RPS6KA1: variants seen among roughly 807,000 people sequenced by gnomAD.
RPS6KA1 encodes ribosomal protein S6 kinase A1, also known as ribosomal protein S6 kinase alpha-1.
In RPS6KA1, 48 loss-of-function variants were observed where a neutral mutation model predicts 91.3. The ratio of observed to expected loss-of-function variants is 0.53; its 90% CI spans 0.42 to 0.67. RPS6KA1 has a LOEUF of 0.67. RPS6KA1 is among the 30% of genes least tolerant of loss of function. RPS6KA1 has a pLI of 0.00. For missense variants in RPS6KA1, 719 were observed against 960.5 expected, an observed-to-expected ratio of 0.75 and a Z score of 3.32; for synonymous variants, 359 against 384.7, an observed-to-expected ratio of 0.93 and a Z score of 0.78.
At chr1:26,543,160 C>T (rs1314251939) in intron 2 of RPS6KA1, 2 of 1,535,536 alleles carry the variant, frequency 1.3e-6, no homozygotes, top group Non-Finnish European at 1.7e-6. Flanking sequence ...TTGAGCCCCA[C>T]CATGCAGACC....
In RPS6KA1 at chr1:26,541,576, C is replaced by T. The variant is rs1008155532; in HGVS notation, c.108+4607C>T. 5.9e-5 allele frequency among the ~76,000 whole-genome samples: 9 copies of T among 152,140 alleles called. No individual in the cohort carries two copies. The East Asian group carries it at 9.6e-4, about 16-fold the overall frequency. The stretch of plus-strand genomic sequence containing the variant: ...TCTCAAAGAAAAAAAAGGCTGTGTG[C>T]GTGCAGCAACTGCTCAATCAGTAGG... On this transcript the variant is annotated intron_variant, in intron 2 of 21. Coordinates refer to ENST00000374168, the MANE Select transcript of RPS6KA1 (RefSeq NM_002953.4).
In RPS6KA1 at chr1:26,547,873, CTT is replaced by C. The variant is rs2076009244; in HGVS notation, c.307+605_307+606del. ...CCGGCAGAGTCATAGCCAAGTCTCT[CTT>C]TAAATAAGTCAAGGCCGGGCGCGGT... On this transcript the variant is annotated intron_variant, in intron 4 of 21. Coordinates refer to ENST00000374168, the MANE Select transcript of RPS6KA1 (RefSeq NM_002953.4). The surrounding 1 kb of genome is among the most constrained non-coding windows in gnomAD (Gnocchi z 4.1). Among the ~76,000 whole-genome samples, 1 of 152,192 alleles carries C rather than the reference CTT, an allele frequency of 6.6e-6. No individual in the cohort carries two copies. Among genetic ancestry groups the C allele is most frequent in the Admixed American group, 6.5e-5 (1 of 15,284 alleles).
intron 1 of RPS6KA1, among the ~76,000 whole-genome samples, chr1:26,534,435 T>C (rs139611517): frequency 1.3e-5 from 2 of 152,008 alleles, no homozygotes; most frequent in African/African-American, 4.8e-5. Flanking sequence ...AGGGGTGACA[T>C]TTGAATTCAG....
In RPS6KA1 at chr1:26,558,937, G is replaced by A. The variant is rs780214552; in HGVS notation, c.1215G>A (p.Gln405=). 3 of 1,608,596 alleles carry A rather than the reference G, an allele frequency of 1.9e-6. No homozygotes were observed. The highest frequency in any genetic ancestry group is 2.6e-6 in the Non-Finnish European group (3 of 1,175,584). The change falls in exon 14 of 22, where the codon CAG becomes CAA. Residue 405 remains glutamine (Q), a splice_region_variant and synonymous_variant. Transcript: ENST00000374168. The surrounding 1 kb of genome is among the most constrained non-coding windows in gnomAD (Gnocchi z 4.0). The stretch of plus-strand genomic sequence containing the variant: ...AGGCACCCCTGCACTCGGTGGTACA[G>A]GTGAGGGGGGCAGGGGGCTGCTGCT... ...APQAPLHSVV[Q]QLHGKNLVFS...
rs748764001 is a variant in RPS6KA1 at position 26,562,825 on chromosome 1, C to CTTTTTTTTTTTTTT, written c.1590+1176_1590+1189dup. On this transcript the variant is annotated intron_variant, in intron 17 of 21. Coordinates refer to ENST00000374168, the MANE Select transcript of RPS6KA1 (RefSeq NM_002953.4). Reference sequence around the variant, plus strand: ...ATAGACACATTTTTCTCCTATTGTCCTTTTTTTTTTTTTTTTTTTTTTTTT... The same window carrying CTTTTTTTTTTTTTT: ...ATAGACACATTTTTCTCCTATTGTCCTTTTTTTTTTTTTTTTTTTTTTTTTTTTTTTTTTTTTTT... 5.4e-4 allele frequency among the ~76,000 whole-genome samples: 44 copies of CTTTTTTTTTTTTTT among 81,446 alleles called. 1 individual carries two copies. The highest frequency in any genetic ancestry group is 2.2e-3 in the African/African-American group (43 of 19,744). The allele number at this position is 81,446 out of a possible 152,430, so 53.4% of individuals were successfully genotyped here.
rs779564357 is a variant in RPS6KA1, at chr1:26,572,306, G to A, written c.1947+13G>A. On this transcript the variant is annotated intron_variant, in intron 20 of 21. Transcript: ENST00000374168. Reference sequence around the variant, plus strand: ...AGAGACAGCCAAGGTGAGTCTGTACGGCCTGCGTGGGCTTATTTGGAGGAG... The same window carrying A: ...AGAGACAGCCAAGGTGAGTCTGTACAGCCTGCGTGGGCTTATTTGGAGGAG... 1.1e-5 allele frequency: 17 copies of A among 1,568,454 alleles called. No individual in the cohort carries two copies. Among genetic ancestry groups the A allele is most frequent in the Middle Eastern group, 3.4e-4 (2 of 5,970 alleles).
chr1:26,551,620 C>A lies in RPS6KA1; in HGVS notation c.389-24C>A. The A allele has an allele frequency of 1.9e-6, 3 of 1,611,158 alleles. No homozygotes were observed. The highest frequency in any genetic ancestry group is 2.5e-6 in the Non-Finnish European group (3 of 1,177,248). On this transcript the variant is annotated intron_variant, in intron 5 of 21. Coordinates refer to ENST00000374168, the MANE Select transcript of RPS6KA1 (RefSeq NM_002953.4). This position sits in a 1 kb window ranked among gnomAD's most constrained non-coding sequence, Gnocchi z 4.5. ...GATCATAAGGCCGCGCCGACTCTAC[C>A]ATTGCCTTTCTCCCTCTTCCCAGCC...
At chr1:26,568,174 G>A (rs918093559) in intron 17 of RPS6KA1, among the ~76,000 whole-genome samples, 6 of 152,334 alleles carry the variant, frequency 3.9e-5, no homozygotes, top group East Asian at 1.9e-4. Context: ...CCAGGTAGCT[G>A]CTGTCCTCTG....
In RPS6KA1 at chr1:26,530,717, C is replaced by T. The variant is rs965602161; in HGVS notation, c.63+734C>T. ...TTTGGCTTCTGCCAGCCCAGACTCC[C>T]CAGACAACCCAGCTCCTTCTCTCTC... On this transcript the variant is annotated intron_variant, in intron 1 of 21. Transcript: ENST00000374168. The T allele has an allele frequency of 3.1e-6, 4 of 1,272,150 alleles. No individual in the cohort carries two copies. In the African/African-American group the frequency reaches 4.6e-5, roughly 15 times the overall value. The allele number at this position is 1,272,150 out of a possible 1,614,324, so 78.8% of individuals were successfully genotyped here.
chr1:26,572,101 A>G (rs1355938457), intron 19 of RPS6KA1, 75 bp from the exon 20 acceptor site: 1 of 1,342,948 alleles, frequency 7.4e-7, no homozygotes, highest in African/African-American at 1.4e-5. Context: ...AGGGGGAGAC[A>G]CAGTCTCCCA....
chr1:26,572,015 G>A, intron 19 of RPS6KA1, 90 bp downstream of exon 19: 1 of 1,419,524 alleles, frequency 7.0e-7, no homozygotes, highest in Non-Finnish European at 9.8e-7. Flanking sequence ...GGCTCAGCCA[G>A]CCCCGCCCCA....
In RPS6KA1 at chr1:26,554,550, G is replaced by A; in HGVS notation, c.614-46G>A. ...TGGGTGTGCAAAGGGTGGCAGCAAG[G>A]AAGGCAGGGGTCCTAAGGTGTGTCC... On this transcript the variant is annotated intron_variant, in intron 8 of 21. Coordinates refer to ENST00000374168, the MANE Select transcript of RPS6KA1 (RefSeq NM_002953.4). The surrounding 1 kb of genome is among the most constrained non-coding windows in gnomAD (Gnocchi z 4.6). The A allele has an allele frequency of 1.9e-6, 3 of 1,570,228 alleles. No homozygotes were observed. The highest frequency in any genetic ancestry group is 2.6e-6 in the Non-Finnish European group (3 of 1,152,130).
In RPS6KA1 at chr1:26,555,971, A is replaced by G. The variant is rs558968568; in HGVS notation, c.916+346A>G. ...AATCCCGGCTCTGTGTCAGGTCCCC[A>G]CTGCCTGGCACAAAACAGTCCCTCT... is the stretch of plus-strand genomic sequence containing the variant. On this transcript the variant is annotated intron_variant, in intron 11 of 21. Transcript: ENST00000374168. The surrounding 1 kb of genome is among the most constrained non-coding windows in gnomAD (Gnocchi z 4.3). 7.8e-6 allele frequency: 3 copies of G among 384,026 alleles called. No individual in the cohort carries two copies. The Admixed American group carries it at 1.1e-4, about 14-fold the overall frequency. The allele number at this position is 384,026 out of a possible 1,614,324, so 23.8% of individuals were successfully genotyped here.
At chr1:26,538,159 C>T (rs148694891) in intron 2 of RPS6KA1, among the ~76,000 whole-genome samples, 4 of 152,300 alleles carry the variant, frequency 2.6e-5, no homozygotes, top group African/African-American at 7.2e-5. Flanking sequence ...GCTGTGGCAA[C>T]CTTGGACCAG....
intron 20 of RPS6KA1, 43 bp from the exon 21 acceptor site, chr1:26,573,181 C>T: frequency 6.2e-7 from 1 of 1,603,924 alleles, no homozygotes; most frequent in Non-Finnish European, 8.5e-7. Context: ...GGGCCTGCTC[C>T]CCTGCAGCCC....
intron 17 of RPS6KA1, among the ~76,000 whole-genome samples, chr1:26,563,347 C>T (rs1308496470): frequency 6.6e-6 from 1 of 152,054 alleles, no homozygotes; most frequent in Admixed American, 6.6e-5. Flanking sequence ...CCCACTTCAG[C>T]CTCCCAAATA....
At chr1:26,541,139 G>A (rs893701450) in intron 2 of RPS6KA1, among the ~76,000 whole-genome samples, 4 of 151,650 alleles carry the variant, frequency 2.6e-5, no homozygotes, top group Admixed American at 2.0e-4. Context: ...GTACGCACTT[G>A]TCCTCCCAGC....
chr1:26,553,640 G>A (rs1191111021), intron 7 of RPS6KA1, 143 bp downstream of exon 7: 1 of 497,064 alleles, frequency 2.0e-6, no homozygotes, highest in African/African-American at 1.9e-5. Context: ...AGTGGGGTGG[G>A]TGGTAGTGCC....
intron 11 of RPS6KA1, chr1:26,556,061 C>T (rs1175719608): frequency 1.8e-5 from 4 of 222,638 alleles, no homozygotes; most frequent in African/African-American, 4.5e-5. Flanking sequence ...GTGACTTCAC[C>T]TCTCTGCACC....
Sources: allele counts gnomAD v4.1 joint callset (sites outside exome capture counted in the v4.1 genomes callset), GRCh38; gene constraint gnomAD v4.1.1; non-coding constraint Gnocchi (gnomAD v3.1); transcripts MANE v1.5; gene names NCBI Gene and HGNC (gene_info 2026-07-23, HGNC 2026-07-21).